GRIK3: variants seen among roughly 807,000 people sequenced by gnomAD.
GRIK3 encodes the protein glutamate ionotropic receptor kainate type subunit 3.
GRIK3 carries 29 observed loss-of-function variants against 102.5 expected under a neutral mutation model. The observed-to-expected ratio is 0.28, with a 90% CI of 0.21 to 0.39. GRIK3 has a LOEUF of 0.39. Among genes scored for constraint, GRIK3 ranks in the 10% least tolerant of loss-of-function variants. The pLI is 1.00. For synonymous variants in GRIK3, 511 were observed against 504.9 expected (o/e 1.01, Z -0.16); for missense variants, 908 against 1,252.4 (o/e 0.73, Z 4.15).
In GRIK3 at chr1:36,872,624, C is replaced by A. The variant is rs756676820; in HGVS notation, c.551-255G>T. ...AGGAATACACTTGGGCTTATCAACA[C>A]GTGTGTATATGTAGATTAAGGCCTG... On this transcript the variant is annotated intron_variant, in intron 3 of 15. Coordinates refer to ENST00000373091, the MANE Select transcript of GRIK3 (RefSeq NM_000831.4). This position sits in a 1 kb window ranked among gnomAD's most constrained non-coding sequence, Gnocchi z 5.9. Among the ~76,000 whole-genome samples, 6 of 152,206 alleles carry A rather than the reference C, an allele frequency of 3.9e-5. No individual in the cohort carries two copies. Among genetic ancestry groups the A allele is most frequent in the African/African-American group, 1.4e-4 (6 of 41,450 alleles).
chr1:36,894,193 A>C (rs1234755025), intron 1 of GRIK3, among the ~76,000 whole-genome samples: 1 of 152,174 alleles, frequency 6.6e-6, no homozygotes, highest in Non-Finnish European at 1.5e-5. Context: ...TCCCACTCCC[A>C]GGCAGCCACT....
At position 36,825,669 on chromosome 1, in the gene GRIK3, G is replaced by A; in HGVS notation, c.1688C>T (p.Pro563Leu). ...GAGGAGAACATACATCCAGATGTCT[G>A]GGGACAGGGGATTGAGGAAGGAGAA... ...SVFSFLNPLS[P>L]DIWMYVLLAY... is the part of the protein sequence containing the mutation. The change falls in exon 11 of 16, where the codon CCA (proline) becomes CTA (leucine). Residue 563 changes from proline (P) to leucine (L), a missense_variant. Coordinates refer to ENST00000373091, the MANE Select transcript of GRIK3 (RefSeq NM_000831.4). 1 of 1,613,108 alleles carries A rather than the reference G, an allele frequency of 6.2e-7. No homozygotes were observed. The highest frequency in any genetic ancestry group is 8.5e-7 in the Non-Finnish European group (1 of 1,179,550).
intron 13 of GRIK3, 51 bp downstream of exon 13, chr1:36,817,009 G>T (rs763797989): frequency 6.2e-6 from 8 of 1,289,196 alleles, no homozygotes; most frequent in South Asian, 3.7e-5. Flanking sequence ...TCAGTAAAGG[G>T]TCCGGAGAGG....
intron 4 of GRIK3, among the ~76,000 whole-genome samples, chr1:36,871,801 C>T (rs1241764867): frequency 1.3e-5 from 2 of 152,164 alleles, no homozygotes; most frequent in African/African-American, 4.8e-5. Flanking sequence ...ATTCTGGGGG[C>T]TGTTCCTGAG....
intron 10 of GRIK3, among the ~76,000 whole-genome samples, chr1:36,829,120 C>T (rs1348192819): frequency 4.6e-5 from 7 of 152,208 alleles, no homozygotes; most frequent in African/African-American, 9.6e-5. Flanking sequence ...TTCTCCACTG[C>T]GTTTCTGGTT....
chr1:36,939,149 G>T (rs1378663608), intron 1 of GRIK3, among the ~76,000 whole-genome samples: 1 of 152,154 alleles, frequency 6.6e-6, no homozygotes, highest in Non-Finnish European at 1.5e-5. Context: ...GGCAATCAAA[G>T]CCTAATATCC....
intron 1 of GRIK3, among the ~76,000 whole-genome samples, chr1:36,949,507 T>C (rs865878408): frequency 6.6e-6 from 1 of 152,090 alleles, no homozygotes. Flanking sequence ...ACATCTTTAT[T>C]GTGCTCTTAT....
At position 36,890,901 on chromosome 1, in the gene GRIK3, G is replaced by A; in HGVS notation, c.292+19C>T. 1 of 1,586,640 alleles carries A rather than the reference G, an allele frequency of 6.3e-7. No homozygotes were observed. The highest frequency in any genetic ancestry group is 8.6e-7 in the Non-Finnish European group (1 of 1,161,884). On this transcript the variant is annotated intron_variant, in intron 2 of 15. Transcript: ENST00000373091. ...TCCCCAGGCTGGGAAGAGAACAGAG[G>A]CAGGAGCTGCACACTCACCCTTTTT... is the stretch of plus-strand genomic sequence containing the variant.
chr1:37,028,725 G>T (rs1182680909), intron 1 of GRIK3, among the ~76,000 whole-genome samples: 3 of 152,176 alleles, frequency 2.0e-5, no homozygotes, highest in Non-Finnish European at 4.4e-5. Flanking sequence ...AAATGCATGG[G>T]ATCCAGAGGC....
chr1:36,926,570 T>C (rs1475482176), intron 1 of GRIK3, among the ~76,000 whole-genome samples: 1 of 152,122 alleles, frequency 6.6e-6, no homozygotes, highest in Admixed American at 6.5e-5. Flanking sequence ...TTTGTATTTT[T>C]AGTAGAGATG....
chr1:36,822,385 G>A (rs1451916082), intron 11 of GRIK3, among the ~76,000 whole-genome samples: 2 of 152,156 alleles, frequency 1.3e-5, no homozygotes, highest in African/African-American at 4.8e-5. Flanking sequence ...AAGCATGCAC[G>A]GTGCCCATTT....
chr1:36,970,755 G>A (rs1642131577), intron 1 of GRIK3, among the ~76,000 whole-genome samples: 1 of 152,188 alleles, frequency 6.6e-6, no homozygotes, highest in Non-Finnish European at 1.5e-5. Flanking sequence ...GGTCTGCCAT[G>A]CTCACTGGGA....
intron 9 of GRIK3, among the ~76,000 whole-genome samples, chr1:36,847,940 G>T (rs184078399): frequency 6.6e-6 from 1 of 152,332 alleles, no homozygotes; most frequent in East Asian, 1.9e-4. Flanking sequence ...GAGCCAAGAG[G>T]GGTTCTCTGC....
At chr1:36,898,209 A>G (rs1641194386) in intron 1 of GRIK3, among the ~76,000 whole-genome samples, 1 of 152,182 alleles carries the variant, frequency 6.6e-6, no homozygotes, top group Non-Finnish European at 1.5e-5. Context: ...AATAAGACCT[A>G]GTATTTGATA....
At chr1:36,948,650 A>G (rs1271771954) in intron 1 of GRIK3, among the ~76,000 whole-genome samples, 1 of 152,216 alleles carries the variant, frequency 6.6e-6, no homozygotes, top group African/African-American at 2.4e-5. Flanking sequence ...TTATGAGCGC[A>G]TGTAGGGCCA....
At chr1:36,895,068 C>A (rs959034208) in intron 1 of GRIK3, among the ~76,000 whole-genome samples, 1 of 152,104 alleles carries the variant, frequency 6.6e-6, no homozygotes, top group Non-Finnish European at 1.5e-5. Flanking sequence ...GGAGAAGCAC[C>A]TGTGAAGTTT....
intron 1 of GRIK3, among the ~76,000 whole-genome samples, chr1:36,902,509 GAAC>G (rs1328316143): frequency 6.6e-6 from 1 of 152,176 alleles, no homozygotes; most frequent in East Asian, 1.9e-4. Context: ...AAAAGGGCTA[GAAC>G]AACTGGACAT....
chr1:36,964,026 T>C (rs1642054544), intron 1 of GRIK3, among the ~76,000 whole-genome samples: 1 of 152,178 alleles, frequency 6.6e-6, no homozygotes, highest in African/African-American at 2.4e-5. Context: ...CTGGGGATTC[T>C]CTGTACCACC....
chr1:36,971,963 A>G (rs12755564), intron 1 of GRIK3, among the ~76,000 whole-genome samples: 2 of 151,822 alleles, frequency 1.3e-5, no homozygotes, highest in East Asian at 1.9e-4. Context: ...CGGCAGAACC[A>G]CTCCCCAGGG....
Sources: gnomAD v4.1 joint callset for allele counts (sites outside exome capture counted in the v4.1 genomes callset) on GRCh38, gnomAD v4.1.1 for gene constraint, Gnocchi (gnomAD v3.1) non-coding constraint, MANE v1.5 for transcripts, NCBI Gene and HGNC (gene_info 2026-07-23, HGNC 2026-07-21) for gene names.